Variants in PTGFRN observed in about 807,000 individuals in gnomAD.
The protein encoded by PTGFRN is prostaglandin F2 receptor negative regulator.
In PTGFRN, 35 loss-of-function variants were observed where a neutral mutation model predicts 83.2. That is an observed-to-expected ratio of 0.42 (90% CI 0.32 to 0.56). PTGFRN has a LOEUF of 0.56. Ranked by LOEUF, PTGFRN falls within the 20% of genes least tolerant of loss-of-function variation. PTGFRN has a pLI of 0.11. For synonymous variants in PTGFRN, 519 were observed against 498.6 expected (o/e 1.04, Z -0.55); for missense variants, 1,051 against 1,179.5 (o/e 0.89, Z 1.60).
intron 8 of PTGFRN, 63 bp downstream of exon 8, chr1:116,985,048 C>T: frequency 6.5e-7 from 1 of 1,532,406 alleles, no homozygotes. Flanking sequence ...CAGGCTGTAG[C>T]TGACAGAACC....
At chr1:116,971,494 C>A (rs766820271) in intron 6 of PTGFRN, among the ~76,000 whole-genome samples, 1 of 152,146 alleles carries the variant, frequency 6.6e-6, no homozygotes, top group African/African-American at 2.4e-5. Flanking sequence ...CTCTCTGTAC[C>A]ATACCCTGTC....
chr1:116,977,927 T>C (rs1651201963), intron 7 of PTGFRN, among the ~76,000 whole-genome samples: 1 of 152,010 alleles, frequency 6.6e-6, no homozygotes, highest in African/African-American at 2.4e-5. Flanking sequence ...AATCAATGAA[T>C]CCAGGAGCTG....
At chr1:116,943,777 G>A (rs1247245992) in intron 2 of PTGFRN, among the ~76,000 whole-genome samples, 2 of 152,142 alleles carry the variant, frequency 1.3e-5, no homozygotes, top group Middle Eastern at 3.4e-3. Context: ...GCTTTTAAAT[G>A]TTATCTAGAA....
chr1:116,969,914 G>A (rs1169063813), intron 6 of PTGFRN, among the ~76,000 whole-genome samples: 2 of 152,134 alleles, frequency 1.3e-5, no homozygotes, highest in African/African-American at 4.8e-5. Context: ...TTTCATAGAA[G>A]TACAACTGGG....
chr1:116,963,567 A>G (rs1416726003), intron 5 of PTGFRN, among the ~76,000 whole-genome samples: 4 of 151,814 alleles, frequency 2.6e-5, no homozygotes, highest in Non-Finnish European at 4.4e-5. Context: ...GTTTTTTAAG[A>G]GGGGGTGGGG....
chr1:116,942,302 C>G (rs1030844515), intron 2 of PTGFRN, among the ~76,000 whole-genome samples: 13 of 152,346 alleles, frequency 8.5e-5, no homozygotes, highest in Admixed American at 2.0e-4. Flanking sequence ...AGGGCCCTTT[C>G]TCTTCACTCC....
rs1436258093 is a variant in PTGFRN at position 116,918,084 on chromosome 1, CTT to C, written c.49+7833_49+7834del. On this transcript the variant is annotated intron_variant, in intron 1 of 8. Transcript: ENST00000393203. This position sits in a 1 kb window ranked among gnomAD's most constrained non-coding sequence, Gnocchi z 4.1. Reference sequence around the variant, plus strand: ...CTTGCATTTTATAATCCATCTTTCTCTTATTCACATTAGCTAAGAAGATTTTA... The same window carrying C: ...CTTGCATTTTATAATCCATCTTTCTCATTCACATTAGCTAAGAAGATTTTA... 6.6e-6 allele frequency among the ~76,000 whole-genome samples: 1 copy of C among 152,184 alleles called. No homozygotes were observed. Among genetic ancestry groups the C allele is most frequent in the South Asian group, 2.1e-4 (1 of 4,824 alleles).
rs1353452899 is a variant in PTGFRN, at chr1:116,954,979, C to G, written c.1213+5407C>G. On this transcript the variant is annotated intron_variant, in intron 4 of 8. Transcript: ENST00000393203. Reference sequence around the variant, plus strand: ...AATGGGGATAATAATACCTTCCTTACAAAATTGTCATGAGAGTAAAAGGAG... The same window carrying G: ...AATGGGGATAATAATACCTTCCTTAGAAAATTGTCATGAGAGTAAAAGGAG... 2.6e-5 allele frequency among the ~76,000 whole-genome samples: 4 copies of G among 152,252 alleles called. No individual in the cohort carries two copies. In the East Asian group the frequency reaches 7.7e-4, roughly 29 times the overall value.
At chr1:116,922,684 G>A (rs1284389066) in intron 1 of PTGFRN, among the ~76,000 whole-genome samples, 3 of 152,126 alleles carry the variant, frequency 2.0e-5, no homozygotes, top group African/African-American at 7.2e-5. Flanking sequence ...GTGACTTTGG[G>A]TCATTAGAAA....
intron 1 of PTGFRN, among the ~76,000 whole-genome samples, chr1:116,912,211 G>C (rs1055137721): frequency 6.6e-6 from 1 of 152,182 alleles, no homozygotes; most frequent in African/African-American, 2.4e-5. Flanking sequence ...GTCCTGGCTG[G>C]ATGCCTCCTA....
chr1:116,952,367 A>G lies in PTGFRN; in HGVS notation c.1213+2795A>G, dbSNP rs1650373952. Among the ~76,000 whole-genome samples the G allele has an allele frequency of 6.6e-6, 1 of 152,188 alleles. No homozygotes were observed. Among genetic ancestry groups the G allele is most frequent in the Non-Finnish European group, 1.5e-5 (1 of 68,030 alleles). On this transcript the variant is annotated intron_variant, in intron 4 of 8. Coordinates refer to ENST00000393203, the MANE Select transcript of PTGFRN (RefSeq NM_020440.4). This position sits in a 1 kb window ranked among gnomAD's most constrained non-coding sequence, Gnocchi z 4.0. ...GGCAATGACATGAATGGGCCTGGCA[A>G]GTCCAGAGCACTTGCAGCCACTGAG... is the stretch of plus-strand genomic sequence containing the variant.
intron 5 of PTGFRN, among the ~76,000 whole-genome samples, chr1:116,963,363 A>G (rs1348600160): frequency 2.0e-5 from 3 of 152,242 alleles, no homozygotes; most frequent in African/African-American, 7.2e-5. Context: ...TCCTAAAAGT[A>G]GAAATAATCA....
Position 116,923,452 on chromosome 1 carries a change from C to A in PTGFRN, c.49+13200C>A, listed in dbSNP as rs1649586011. On this transcript the variant is annotated intron_variant, in intron 1 of 8. Transcript: ENST00000393203. This position sits in a 1 kb window ranked among gnomAD's most constrained non-coding sequence, Gnocchi z 4.0. ...TTAAAGAAGGGGTGAGAAAAGTCTCCATTCTTCTTCCTGTGGATTTTCTCG... is the reference window on the plus strand; with the variant it reads ...TTAAAGAAGGGGTGAGAAAAGTCTCAATTCTTCTTCCTGTGGATTTTCTCG... Among the ~76,000 whole-genome samples the A allele has an allele frequency of 6.6e-6, 1 of 152,102 alleles. No individual in the cohort carries two copies. The highest frequency in any genetic ancestry group is 1.5e-5 in the Non-Finnish European group (1 of 68,030).
At chr1:116,949,062 C>T (rs1291735653) in intron 3 of PTGFRN, 130 bp from the exon 4 acceptor site, 1 of 1,144,850 alleles carries the variant, frequency 8.7e-7, no homozygotes, top group Non-Finnish European at 1.2e-6. Context: ...CAAGCACTTA[C>T]AACTGTACAA....
chr1:116,915,738 T>G (rs1649388581), intron 1 of PTGFRN, among the ~76,000 whole-genome samples: 1 of 152,360 alleles, frequency 6.6e-6, no homozygotes, highest in Middle Eastern at 3.4e-3. Flanking sequence ...TGCTTGTCTG[T>G]CGATGTGTGT....
chr1:116,925,374 C>T (rs1168359911), intron 1 of PTGFRN, among the ~76,000 whole-genome samples: 1 of 151,814 alleles, frequency 6.6e-6, no homozygotes, highest in Non-Finnish European at 1.5e-5. Context: ...TTGCAGTGAG[C>T]TGAGATTGTG....
At position 116,961,806 on chromosome 1, in the gene PTGFRN, C is replaced by A; in HGVS notation, c.1639+138C>A. On this transcript the variant is annotated intron_variant, in intron 5 of 8. Transcript: ENST00000393203. The surrounding 1 kb of genome is among the most constrained non-coding windows in gnomAD (Gnocchi z 5.4). Reference sequence around the variant, plus strand: ...GTCCTGGACATTGATCGCCATGCGACCCGTTGCACATGCTCTTTGGACTCA... The same window carrying A: ...GTCCTGGACATTGATCGCCATGCGAACCGTTGCACATGCTCTTTGGACTCA... The A allele has an allele frequency of 1.2e-6, 1 of 862,160 alleles. No homozygotes were observed. 53.4% of individuals were successfully genotyped at this position (862,160 alleles called of 1,614,324 possible). A position where few individuals can be genotyped will look rare whatever the true frequency, so the allele number is the denominator to read the frequency against.
At chr1:116,974,755 T>C (rs1052133911) in intron 7 of PTGFRN, among the ~76,000 whole-genome samples, 2 of 152,184 alleles carry the variant, frequency 1.3e-5, no homozygotes, top group African/African-American at 4.8e-5. Context: ...AGTTCCAAGA[T>C]GGCCAAATAG....
At chr1:116,971,935 A>G (rs1453010858) in intron 6 of PTGFRN, among the ~76,000 whole-genome samples, 2 of 152,216 alleles carry the variant, frequency 1.3e-5, no homozygotes, top group Non-Finnish European at 2.9e-5. Context: ...CCTGAGCACT[A>G]GAAAAGCCCC....
Sources: allele counts gnomAD v4.1 joint callset (sites outside exome capture counted in the v4.1 genomes callset), GRCh38; gene constraint gnomAD v4.1.1; non-coding constraint Gnocchi (gnomAD v3.1); transcripts MANE v1.5; gene names NCBI Gene and HGNC (gene_info 2026-07-23, HGNC 2026-07-21).